Variants in CACNA1E observed in about 807,000 individuals in gnomAD.
CACNA1E encodes voltage-dependent R-type calcium channel subunit alpha-1E.
A neutral mutation model predicts 259.2 loss-of-function variants in CACNA1E; 40 were observed. The observed-to-expected ratio is 0.15, with a 90% CI of 0.12 to 0.20. The LOEUF (loss-of-function observed/expected upper bound fraction) is 0.20. Ranked by LOEUF, CACNA1E falls within the 10% of genes least tolerant of loss-of-function variation. CACNA1E has a pLI of 1.00. For synonymous variants in CACNA1E, 1,104 were observed against 1,138.5 expected (o/e 0.97, Z 0.61); for missense variants, 1,874 against 3,040.1 (o/e 0.62, Z 9.02).
At chr1:181,525,872 G>T (rs1667317626) in intron 3 of CACNA1E, among the ~76,000 whole-genome samples, 2 of 152,132 alleles carry the variant, frequency 1.3e-5, no homozygotes, top group African/African-American at 4.8e-5. Context: ...TTCTATGTGG[G>T]GTAATTGGAT....
intron 6 of CACNA1E, among the ~76,000 whole-genome samples, chr1:181,586,429 G>C (rs950827245): frequency 6.6e-6 from 1 of 152,126 alleles, no homozygotes; most frequent in African/African-American, 2.4e-5. Flanking sequence ...AATATAGACA[G>C]GGAAGAGAGG....
chr1:181,766,420 A>C (rs1659029378), intron 34 of CACNA1E, 126 bp from the exon 35 acceptor site: 2 of 689,290 alleles, frequency 2.9e-6, no homozygotes, highest in Non-Finnish European at 5.3e-6. Flanking sequence ...ACCCCAGGGA[A>C]TAGGGAGTCC....
chr1:181,795,190 T>C (rs911073153), intron 46 of CACNA1E, 146 bp downstream of exon 46: 20 of 695,244 alleles, frequency 2.9e-5, no homozygotes, highest in Non-Finnish European at 3.7e-5. Flanking sequence ...CCAAAGGGAA[T>C]TCCTGTATCT....
At chr1:181,687,279 G>GT (rs1469391812) in intron 7 of CACNA1E, among the ~76,000 whole-genome samples, 6 of 152,166 alleles carry the variant, frequency 3.9e-5, no homozygotes, top group Admixed American at 1.3e-4. Flanking sequence ...GCCTTTTAAT[G>GT]TTTTTTAATG....
At chr1:181,727,052 A>C (rs1222022859) in intron 18 of CACNA1E, among the ~76,000 whole-genome samples, 2 of 152,216 alleles carry the variant, frequency 1.3e-5, no homozygotes, top group East Asian at 3.8e-4. Flanking sequence ...GGAAATCTAA[A>C]GTTCATTTTG....
chr1:181,717,060 G>A (rs1057143446), intron 10 of CACNA1E, 33 bp from the exon 11 acceptor site: 4 of 1,575,688 alleles, frequency 2.5e-6, no homozygotes, highest in Non-Finnish European at 3.5e-6. Context: ...AGGATATTTT[G>A]CAGTCTCATT....
chr1:181,796,637 T>C, intron 46 of CACNA1E, 31 bp from the exon 47 acceptor site: 1 of 1,523,704 alleles, frequency 6.6e-7, no homozygotes. Flanking sequence ...TGGACAGAGT[T>C]ATAACCAAGT....
At chr1:181,752,892 CGA>C (rs1326996274) in intron 27 of CACNA1E, among the ~76,000 whole-genome samples, 3 of 152,196 alleles carry the variant, frequency 2.0e-5, no homozygotes, top group Non-Finnish European at 2.9e-5. Flanking sequence ...CCACCTTCCA[CGA>C]GTCTCCCTGC....
chr1:181,390,873 A>T (rs1656217982), intron 1 of CACNA1E, among the ~76,000 whole-genome samples: 1 of 152,146 alleles, frequency 6.6e-6, no homozygotes, highest in African/African-American at 2.4e-5. Flanking sequence ...GGAGGGAGAA[A>T]TTGCTTCCTG....
At position 181,794,987 on chromosome 1, in the gene CACNA1E, C is replaced by A; in HGVS notation, c.6151C>A (p.Arg2051Ser). ...RSSENTYKSR[R>S]RSYHSSLRLS... is the part of the protein sequence containing the mutation. ...CAGTGAAAATACCTACAAGTCCCGT[C>A]GCCGGAGTTACCACTCCTCCTTGCG... Residue 2051 changes from arginine (R) to serine (S), a missense_variant, in exon 46 of 48, where the codon CGC becomes AGC. Transcript: ENST00000367573. 6.2e-7 allele frequency: 1 copy of A among 1,613,986 alleles called. No homozygotes were observed. The highest frequency in any genetic ancestry group is 1.1e-5 in the South Asian group (1 of 91,086).
chr1:181,579,032 A>G (rs763679502), intron 4 of CACNA1E, 40 bp from the exon 5 acceptor site: 25 of 1,554,208 alleles, frequency 1.6e-5, no homozygotes, highest in Non-Finnish European at 2.1e-5. Flanking sequence ...GATGGTGCTG[A>G]GGGACAGCTG....
At chr1:181,761,798 T>C (rs1461933529) in intron 32 of CACNA1E, among the ~76,000 whole-genome samples, 3 of 152,236 alleles carry the variant, frequency 2.0e-5, no homozygotes, top group Admixed American at 2.0e-4. Context: ...AGGAGATGGA[T>C]GCATAGTCCA....
chr1:181,790,999 G>A (rs906692310), intron 44 of CACNA1E, among the ~76,000 whole-genome samples: 2 of 152,162 alleles, frequency 1.3e-5, no homozygotes, highest in Non-Finnish European at 1.5e-5. Flanking sequence ...ACCTCCTCTA[G>A]AACCTAGCAG....
At chr1:181,634,650 G>C (rs186721389) in intron 6 of CACNA1E, among the ~76,000 whole-genome samples, 254 of 152,276 alleles carry the variant, frequency 1.7e-3, no homozygotes, top group Non-Finnish European at 2.5e-3. Context: ...TTATTCGGGA[G>C]GCCAATTATG....
At chr1:181,623,848 G>C (rs1655947016) in intron 6 of CACNA1E, among the ~76,000 whole-genome samples, 1 of 152,212 alleles carries the variant, frequency 6.6e-6, no homozygotes. Flanking sequence ...ACTGATCTGA[G>C]TAGTGGTTGC....
intron 37 of CACNA1E, among the ~76,000 whole-genome samples, chr1:181,774,772 A>C (rs1659826628): frequency 6.6e-6 from 1 of 152,246 alleles, no homozygotes; most frequent in African/African-American, 2.4e-5. Flanking sequence ...CTGTCTGCAT[A>C]TCTGGCACCT....
chr1:181,412,011 G>GGAT (rs556635442), intron 1 of CACNA1E, among the ~76,000 whole-genome samples: 3 of 152,402 alleles, frequency 2.0e-5, no homozygotes, highest in African/African-American at 7.2e-5. Flanking sequence ...TCTTCCATGA[G>GGAT]GATGATGTGG....
chr1:181,733,589 T>C lies in CACNA1E; in HGVS notation c.3101T>C (p.Leu1034Pro), dbSNP rs771048012. The change falls in exon 21 of 48, where the codon CTG becomes CCG. Residue 1034 changes from leucine to proline, a missense_variant. By Grantham distance (98) the Leu-to-Pro change is moderately conservative. This residue lies in a region of CACNA1E where 476 missense variants were observed against 514.0 expected (regional missense o/e 0.93). Coordinates refer to ENST00000367573, the MANE Select transcript of CACNA1E (RefSeq NM_001205293.3). ...CCAGAAGGCAGCAGTGAGCAGGCCC[T>C]GCTGGGGAATGTGCAGCTAGACATG... ...QEPEGSSEQALLGNVQLDMGR... is the reference protein window; with the variant it reads ...QEPEGSSEQAPLGNVQLDMGR... 1 of 1,612,950 alleles carries C rather than the reference T, an allele frequency of 6.2e-7. No individual in the cohort carries two copies. The highest frequency in any genetic ancestry group is 8.5e-7 in the Non-Finnish European group (1 of 1,179,472).
At chr1:181,367,851 C>T (rs1203258443) in intron 1 of CACNA1E, among the ~76,000 whole-genome samples, 4 of 151,974 alleles carry the variant, frequency 2.6e-5, no homozygotes, top group Non-Finnish European at 5.9e-5. Context: ...ACTTTGGTTT[C>T]TTTGAAAATA....
Sources: allele counts gnomAD v4.1 joint callset (sites outside exome capture counted in the v4.1 genomes callset), GRCh38; gene constraint gnomAD v4.1.1; regional missense constraint gnomAD v4.1.1; transcripts MANE v1.5; gene names NCBI Gene and HGNC (gene_info 2026-07-23, HGNC 2026-07-21).